PDIA5: variants seen among roughly 807,000 people sequenced by gnomAD.
PDIA5 encodes protein disulfide isomerase family A member 5.
A neutral mutation model predicts 77.6 loss-of-function variants in PDIA5; 58 were observed. That is an observed-to-expected ratio of 0.75 (90% confidence interval 0.61 to 0.93). The LOEUF is 0.93. Among genes scored for constraint, PDIA5 ranks in the 40% least tolerant of loss-of-function variants. PDIA5 has a pLI of 0.00. For synonymous variants in PDIA5, 250 were observed against 252.1 expected (o/e 0.99, Z 0.08); for missense variants, 630 against 647.7 (o/e 0.97, Z 0.30).
intron 3 of PDIA5, among the ~76,000 whole-genome samples, chr3:123,093,900 C>T (rs562815691): frequency 2.6e-5 from 4 of 152,344 alleles, no homozygotes; most frequent in Admixed American, 2.6e-4. Flanking sequence ...AGGCAGCCAC[C>T]TATGGAGTGG....
intron 4 of PDIA5, 57 bp from the exon 5 acceptor site, chr3:123,102,694 G>T: frequency 2.9e-6 from 4 of 1,376,414 alleles, no homozygotes; most frequent in Non-Finnish European, 4.2e-6. Flanking sequence ...GGAAACCAAA[G>T]GTATGTATCT....
At chr3:123,137,877 G>GTTATAATGTTT (rs1935538309) in intron 11 of PDIA5, among the ~76,000 whole-genome samples, 1 of 152,062 alleles carries the variant, frequency 6.6e-6, no homozygotes, top group Non-Finnish European at 1.5e-5. Context: ...CCTATATTTT[G>GTTATAATGTTT]TTATAATGTT....
chr3:123,074,841 A>G (rs1341333537), intron 1 of PDIA5, among the ~76,000 whole-genome samples: 1 of 152,246 alleles, frequency 6.6e-6, no homozygotes, highest in Non-Finnish European at 1.5e-5. Context: ...CGTAGACTAC[A>G]GTGGAAAAAA....
chr3:123,127,704 C>A (rs1314401771), intron 10 of PDIA5, among the ~76,000 whole-genome samples: 1 of 152,140 alleles, frequency 6.6e-6, no homozygotes, highest in Non-Finnish European at 1.5e-5. Context: ...TCTTCAGGGC[C>A]CTAGAAAATA....
chr3:123,077,860 A>C (rs1933894759), intron 1 of PDIA5, among the ~76,000 whole-genome samples: 1 of 148,620 alleles, frequency 6.7e-6, no homozygotes, highest in African/African-American at 2.5e-5. Flanking sequence ...CCCAGGCTGG[A>C]GTGCAGTGGT....
chr3:123,101,731 G>A (rs1028700831), intron 3 of PDIA5, among the ~76,000 whole-genome samples: 1 of 151,972 alleles, frequency 6.6e-6, no homozygotes, highest in African/African-American at 2.4e-5. Flanking sequence ...TTAAAAACTT[G>A]CCTGATAATT....
intron 15 of PDIA5, among the ~76,000 whole-genome samples, chr3:123,158,040 C>T (rs1936058332): frequency 1.3e-5 from 2 of 152,252 alleles, no homozygotes; most frequent in Admixed American, 1.3e-4. Flanking sequence ...TGTAGGTCCT[C>T]CTGTTTATGA....
At chr3:123,078,044 G>A (rs186102375) in intron 1 of PDIA5, among the ~76,000 whole-genome samples, 82 of 152,244 alleles carry the variant, frequency 5.4e-4, no homozygotes, top group South Asian at 1.7e-3. Context: ...TCCTGACTGC[G>A]TGATCCGCTC....
intron 8 of PDIA5, 68 bp downstream of exon 8, chr3:123,116,366 G>C: frequency 1.8e-6 from 2 of 1,122,486 alleles, no homozygotes; most frequent in Non-Finnish European, 2.7e-6. Context: ...GGGTGCCAGG[G>C]GTGGGGTGGG....
At chr3:123,146,028 T>C (rs1048219891) in intron 12 of PDIA5, 71 bp from the exon 13 acceptor site, 1 of 1,460,602 alleles carries the variant, frequency 6.8e-7, no homozygotes, top group Non-Finnish European at 9.5e-7. Context: ...GGGGGCAGCG[T>C]CTGGGCTCCT....
chr3:123,128,080 A>G (rs1403675909), intron 10 of PDIA5, among the ~76,000 whole-genome samples: 1 of 152,122 alleles, frequency 6.6e-6, no homozygotes, highest in Non-Finnish European at 1.5e-5. Context: ...TCCTCTCCCA[A>G]AAAGAAACTT....
chr3:123,095,036 A>C (rs1434757452), intron 3 of PDIA5, among the ~76,000 whole-genome samples: 1 of 152,056 alleles, frequency 6.6e-6, no homozygotes, highest in Admixed American at 6.6e-5. Flanking sequence ...ATAAGGGAGA[A>C]AGCCTTGGGC....
chr3:123,111,171 T>C (rs1378992033), intron 7 of PDIA5, among the ~76,000 whole-genome samples, 167 bp downstream of exon 7: 1 of 152,130 alleles, frequency 6.6e-6, no homozygotes, highest in Non-Finnish European at 1.5e-5. Flanking sequence ...CTTTGCCTTT[T>C]CATCTGGCTC....
chr3:123,110,922 G>T (rs760416740), intron 6 of PDIA5, 22 bp from the exon 7 acceptor site: 5 of 1,605,402 alleles, frequency 3.1e-6, no homozygotes, highest in African/African-American at 1.3e-5. Flanking sequence ...CGAGCTGCTG[G>T]TATTCTCTTT....
chr3:123,111,147 C>T, intron 7 of PDIA5, 143 bp downstream of exon 7: 3 of 676,460 alleles, frequency 4.4e-6, no homozygotes, highest in Non-Finnish European at 8.0e-6. Flanking sequence ...CCATCTGCGC[C>T]TCTTTTCCTT....
At position 123,145,512 on chromosome 3, in the gene PDIA5, C is replaced by G; in HGVS notation, c.911-10C>G. The G allele has an allele frequency of 6.2e-7, 1 of 1,612,518 alleles. No individual in the cohort carries two copies. Among genetic ancestry groups the G allele is most frequent in the East Asian group, 2.2e-5 (1 of 44,872 alleles). ...CCATAAGAATGGTTTCTCTTGATCT[C>G]TCCCCACAGGGTGTGGCCACTGTAA... On this transcript the variant is annotated splice_polypyrimidine_tract_variant and intron_variant, in intron 11 of 16. Coordinates refer to ENST00000316218, the MANE Select transcript of PDIA5 (RefSeq NM_006810.4).
At chr3:123,130,383 G>C in intron 10 of PDIA5, 97 bp from the exon 11 acceptor site, 2 of 1,360,068 alleles carry the variant, frequency 1.5e-6, no homozygotes. Flanking sequence ...GGGCCGTCCC[G>C]AGCCCATGGG....
chr3:123,132,594 C>G (rs78633793), intron 11 of PDIA5, among the ~76,000 whole-genome samples: 2 of 152,172 alleles, frequency 1.3e-5, no homozygotes, highest in Admixed American at 6.5e-5. Context: ...AGGGCATCCC[C>G]GAGGGTAAAG....
chr3:123,084,958 G>T (rs1319311995), intron 1 of PDIA5, among the ~76,000 whole-genome samples: 1 of 152,140 alleles, frequency 6.6e-6, no homozygotes, highest in East Asian at 1.9e-4. Context: ...GGGCAATGAT[G>T]CTTCCCACTC....
Sources: allele counts gnomAD v4.1 joint callset (sites outside exome capture counted in the v4.1 genomes callset), GRCh38; gene constraint gnomAD v4.1.1; transcripts MANE v1.5; gene names NCBI Gene and HGNC (gene_info 2026-07-23, HGNC 2026-07-21).